Variants in CCDC192 observed in about 807,000 individuals in gnomAD.
CCDC192 encodes coiled-coil domain containing 192, also known as coiled-coil domain-containing protein 192.
In CCDC192 at chr5:127,791,670, GA is replaced by G. The variant is rs567004396; in HGVS notation, c.223-5428del. 1.7e-4 allele frequency among the ~76,000 whole-genome samples: 26 copies of G among 152,314 alleles called. No individual in the cohort carries two copies. The South Asian group carries it at 5.0e-3, about 29-fold the overall frequency. On this transcript the variant is annotated intron_variant, in intron 3 of 6. Transcript: ENST00000514853. ...GAATATAGTCTTTGCAACATTAGTT[GA>G]AAAAGTCATTAAACAAATGGATGAT...
At chr5:127,839,793 GAT>G (rs149616853) in intron 5 of CCDC192, among the ~76,000 whole-genome samples, 6 of 148,606 alleles carry the variant, frequency 4.0e-5, no homozygotes, top group African/African-American at 9.9e-5. Context: ...TGGATTGTAA[GAT>G]ATATATATAT....
intron 2 of CCDC192, among the ~76,000 whole-genome samples, chr5:127,730,138 G>C (rs899317886): frequency 2.6e-5 from 4 of 151,868 alleles, no homozygotes; most frequent in East Asian, 1.9e-4. Context: ...GACTAATAAA[G>C]AAGAAAAGAG....
At chr5:127,726,683 G>A (rs941965300) in intron 2 of CCDC192, among the ~76,000 whole-genome samples, 2 of 152,228 alleles carry the variant, frequency 1.3e-5, no homozygotes, top group African/African-American at 2.4e-5. Context: ...GCTGGACCTC[G>A]ACCCATCCTT....
rs534287420 is a variant in CCDC192 at position 127,769,720 on chromosome 5, A to C, written c.222+15345A>C. Among the ~76,000 whole-genome samples, 8 of 152,308 alleles carry C rather than the reference A, an allele frequency of 5.3e-5. No homozygotes were observed. In the South Asian group the frequency reaches 1.7e-3, roughly 32 times the overall value. ...GAGGTGCTCAAATGTGTAATATTTT[A>C]TTGTGAGGTTGAATAAGGTGCCCAG... On this transcript the variant is annotated intron_variant, in intron 3 of 6. Transcript: ENST00000514853.
chr5:127,705,279 T>C (rs1750899971), intron 1 of CCDC192, among the ~76,000 whole-genome samples: 1 of 152,190 alleles, frequency 6.6e-6, no homozygotes, highest in Non-Finnish European at 1.5e-5. Context: ...TTAAATATAA[T>C]TGTCAGGCAG....
intron 5 of CCDC192, among the ~76,000 whole-genome samples, chr5:127,799,693 G>A (rs2126974558): frequency 6.6e-6 from 1 of 152,232 alleles, no homozygotes; most frequent in East Asian, 1.9e-4. Flanking sequence ...TTCCTATAGT[G>A]TCTTCTTTCA....
At chr5:127,775,980 C>G (rs1561481905) in intron 3 of CCDC192, among the ~76,000 whole-genome samples, 1 of 152,144 alleles carries the variant, frequency 6.6e-6, no homozygotes, top group Admixed American at 6.5e-5. Context: ...CATAAATTAC[C>G]CAGTCTGGGG....
chr5:127,767,946 C>A (rs1755323775), intron 3 of CCDC192, among the ~76,000 whole-genome samples: 1 of 152,082 alleles, frequency 6.6e-6, no homozygotes, highest in Non-Finnish European at 1.5e-5. Flanking sequence ...AGGGTCATTG[C>A]ACATGTAAGT....
chr5:127,895,236 T>C (rs1295030650), intron 6 of CCDC192, among the ~76,000 whole-genome samples: 1 of 152,124 alleles, frequency 6.6e-6, no homozygotes, highest in East Asian at 1.9e-4. Flanking sequence ...TTAAATGCAA[T>C]GAGTTCTCTC....
At chr5:127,711,882 C>G (rs1435225484) in intron 2 of CCDC192, among the ~76,000 whole-genome samples, 12 of 152,074 alleles carry the variant, frequency 7.9e-5, no homozygotes, top group Admixed American at 5.9e-4. Context: ...CTTTCTTTCT[C>G]TCTCTTTCAG....
intron 2 of CCDC192, among the ~76,000 whole-genome samples, chr5:127,735,944 G>A (rs1752961475): frequency 1.6e-5 from 2 of 128,452 alleles, no homozygotes; most frequent in South Asian, 5.4e-4. Context: ...TAATTGCCCT[G>A]GCCAGAACTT....
intron 3 of CCDC192, among the ~76,000 whole-genome samples, chr5:127,771,218 G>A (rs957510622): frequency 7.9e-5 from 12 of 152,220 alleles, no homozygotes; most frequent in Non-Finnish European, 1.8e-4. Context: ...GAAATAACAA[G>A]GCAAACACAT....
chr5:127,931,999 A>G (rs960339663), intron 6 of CCDC192, among the ~76,000 whole-genome samples: 1 of 151,702 alleles, frequency 6.6e-6, no homozygotes, highest in African/African-American at 2.4e-5. Flanking sequence ...AAATACAAAA[A>G]AAAAATTAGC....
chr5:127,871,168 C>T (rs1387167458), intron 5 of CCDC192, among the ~76,000 whole-genome samples: 1 of 152,204 alleles, frequency 6.6e-6, no homozygotes, highest in Non-Finnish European at 1.5e-5. Context: ...TGCCTAGGCA[C>T]CGGGCCAGCT....
chr5:127,832,589 A>C (rs995585921), intron 5 of CCDC192, among the ~76,000 whole-genome samples: 23 of 152,220 alleles, frequency 1.5e-4, no homozygotes, highest in African/African-American at 4.8e-4. Context: ...CAAAATTCAG[A>C]ATAGTGATTG....
At chr5:127,924,319 G>A (rs1753809061) in intron 6 of CCDC192, among the ~76,000 whole-genome samples, 1 of 152,158 alleles carries the variant, frequency 6.6e-6, no homozygotes, top group African/African-American at 2.4e-5. Context: ...TGCTGAAAAC[G>A]AATGTGTGCC....
At chr5:127,846,998 C>T (rs1459884654) in intron 5 of CCDC192, among the ~76,000 whole-genome samples, 3 of 152,132 alleles carry the variant, frequency 2.0e-5, no homozygotes, top group African/African-American at 7.2e-5. Flanking sequence ...CATCATCTCT[C>T]AACTGGTCCC....
chr5:127,732,245 C>T (rs1159700746), intron 2 of CCDC192, among the ~76,000 whole-genome samples: 1 of 152,122 alleles, frequency 6.6e-6, no homozygotes, highest in Non-Finnish European at 1.5e-5. Flanking sequence ...TGGAAAAAAG[C>T]TCAGCATCAC....
At chr5:127,753,907 A>G (rs930384479) in intron 2 of CCDC192, among the ~76,000 whole-genome samples, 6 of 152,196 alleles carry the variant, frequency 3.9e-5, no homozygotes, top group Admixed American at 1.3e-4. Flanking sequence ...TGTTAAAAAC[A>G]TAGGCATTCT....
Sources: allele counts gnomAD v4.1 joint callset (sites outside exome capture counted in the v4.1 genomes callset), GRCh38; gene constraint gnomAD v4.1.1; transcripts MANE v1.5; gene names NCBI Gene and HGNC (gene_info 2026-07-23, HGNC 2026-07-21).